Variants in TLX2 observed in about 807,000 individuals in gnomAD.
TLX2 encodes T cell leukemia homeobox 2.
A neutral mutation model predicts 21.7 loss-of-function variants in TLX2; 15 were observed. The observed-to-expected ratio is 0.69, with a 90% CI of 0.46 to 1.07. The LOEUF (loss-of-function observed/expected upper bound fraction) is 1.07. Among genes scored for constraint, TLX2 ranks in the 50% least tolerant of loss-of-function variants. The pLI is 0.00. For missense variants in TLX2, 384 were observed against 409.1 expected (o/e 0.94, Z 0.53); for synonymous variants, 213 against 193.1 (o/e 1.10, Z -0.85).
rs1056450292 is a variant in TLX2, at chr2:74,515,078, T to G, written c.272T>G (p.Val91Gly). Residue 91 changes from valine (V) to glycine (G), a missense_variant, in exon 1 of 3, where the codon GTG becomes GGG. Val to Gly is a moderately radical substitution (Grantham distance 109). Transcript: ENST00000233638. The surrounding 1 kb of genome is among the most constrained non-coding windows in gnomAD (Gnocchi z 6.6). ...IRVPAHRPLPVPPPAGGAPAV... is the reference protein window; with the variant it reads ...IRVPAHRPLPGPPPAGGAPAV... Reference sequence around the variant, plus strand: ...GTCCCTGCGCACCGCCCGCTGCCTGTGCCGCCGCCCGCTGGGGGGGCGCCT... The same window carrying G: ...GTCCCTGCGCACCGCCCGCTGCCTGGGCCGCCGCCCGCTGGGGGGGCGCCT... 3.9e-5 allele frequency: 59 copies of G among 1,525,004 alleles called. No homozygotes were observed. Among genetic ancestry groups the G allele is most frequent in the Non-Finnish European group, 5.2e-5 (59 of 1,138,490 alleles). The allele number at this position is 1,525,004 out of a possible 1,614,324, so 94.5% of individuals were successfully genotyped here. A position where few individuals can be genotyped will look rare whatever the true frequency, so the allele number is the denominator to read the frequency against.
rs1400577825 is a variant in TLX2, at chr2:74,517,127, G to C, written c.*938G>C. 6.6e-6 allele frequency: 1 copy of C among 152,290 alleles called. No homozygotes were observed. The highest frequency in any genetic ancestry group is 1.5e-5 in the Non-Finnish European group (1 of 68,074). The allele number at this position is 152,290 out of a possible 1,614,324, so 9.4% of individuals were successfully genotyped here. ...GGCAAAACTAAATGTTATACCTAGA[G>C]AGAATAAATCCTGGAGAAGTGCCTT... On this transcript the variant is annotated 3_prime_UTR_variant, in exon 3 of 3. Transcript: ENST00000233638.
At position 74,516,422 on chromosome 2, in the gene TLX2, T is replaced by C; in HGVS notation, c.*233T>C. The C allele has an allele frequency of 7.1e-7, 1 of 1,410,202 alleles. No individual in the cohort carries two copies. The highest frequency in any genetic ancestry group is 9.3e-7 in the Non-Finnish European group (1 of 1,079,644). 87.4% of individuals were successfully genotyped at this position (1,410,202 alleles called of 1,614,324 possible). A position where few individuals can be genotyped will look rare whatever the true frequency, so the allele number is the denominator to read the frequency against. ...CACTTCACTGCCGTTACGCCCTCGCTGGAACCTGAGGCGCCGAGAGGGCGG... is the reference window on the plus strand; with the variant it reads ...CACTTCACTGCCGTTACGCCCTCGCCGGAACCTGAGGCGCCGAGAGGGCGG... On this transcript the variant is annotated 3_prime_UTR_variant, in exon 3 of 3. Transcript: ENST00000233638.
Position 74,514,774 on chromosome 2 carries a change from CG to C in TLX2, c.-32del. ...TGCCTGAGGCATCCTCCCCAACCAC[CG>C]AACCTCCGGCGGTTCTCCTCGGCCC... On this transcript the variant is annotated 5_prime_UTR_variant, in exon 1 of 3. Coordinates refer to ENST00000233638, the MANE Select transcript of TLX2 (RefSeq NM_016170.5). This position sits in a 1 kb window ranked among gnomAD's most constrained non-coding sequence, Gnocchi z 5.0. The C allele has an allele frequency of 2.5e-6, 4 of 1,611,332 alleles. No individual in the cohort carries two copies. The highest frequency in any genetic ancestry group is 3.4e-6 in the Non-Finnish European group (4 of 1,179,228).
chr2:74,514,584 G>A lies in TLX2; in HGVS notation c.-223G>A. On this transcript the variant is annotated 5_prime_UTR_variant, in exon 1 of 3. Transcript: ENST00000233638. The surrounding 1 kb of genome is among the most constrained non-coding windows in gnomAD (Gnocchi z 5.0). ...GGCCCCAGCTGGCCGTGCTCCCCCG[G>A]GATGCAAGTCCCTGCGCTGACGCCC... The A allele has an allele frequency of 7.1e-7, 1 of 1,408,568 alleles. No homozygotes were observed. 87.3% of individuals were successfully genotyped at this position (1,408,568 alleles called of 1,614,324 possible). A position where few individuals can be genotyped will look rare whatever the true frequency, so the allele number is the denominator to read the frequency against.
rs1674829966 is a variant in TLX2 at position 74,514,534 on chromosome 2, T to A, written c.-273T>A. The A allele has an allele frequency of 7.4e-7, 1 of 1,345,942 alleles. No homozygotes were observed. Among genetic ancestry groups the A allele is most frequent in the African/African-American group, 1.5e-5 (1 of 65,004 alleles). The allele number at this position is 1,345,942 out of a possible 1,614,324, so 83.4% of individuals were successfully genotyped here. ...CGGCAGCCCAGCGTCTATTTGCGCTTAAGAGCCAGCAAGGAAGCTCCAGGG... is the reference window on the plus strand; with the variant it reads ...CGGCAGCCCAGCGTCTATTTGCGCTAAAGAGCCAGCAAGGAAGCTCCAGGG... On this transcript the variant is annotated 5_prime_UTR_variant, in exon 1 of 3. Coordinates refer to ENST00000233638, the MANE Select transcript of TLX2 (RefSeq NM_016170.5). The surrounding 1 kb of genome is among the most constrained non-coding windows in gnomAD (Gnocchi z 5.0).
Position 74,515,554 on chromosome 2 carries a change from C to T in TLX2, c.401-79C>T. The T allele has an allele frequency of 7.0e-7, 1 of 1,422,190 alleles. No homozygotes were observed. The highest frequency in any genetic ancestry group is 1.3e-5 in the South Asian group (1 of 77,620). The allele number at this position is 1,422,190 out of a possible 1,614,324, so 88.1% of individuals were successfully genotyped here. A position where few individuals can be genotyped will look rare whatever the true frequency, so the allele number is the denominator to read the frequency against. On this transcript the variant is annotated intron_variant, in intron 1 of 2. Transcript: ENST00000233638. This position sits in a 1 kb window ranked among gnomAD's most constrained non-coding sequence, Gnocchi z 6.6. ...GGACAGGGCGCGGGAGTTCTGCGGCCTGGACAGCCGCGCGGCCTTCTCAGT... is the reference window on the plus strand; with the variant it reads ...GGACAGGGCGCGGGAGTTCTGCGGCTTGGACAGCCGCGCGGCCTTCTCAGT...
In TLX2 at chr2:74,515,509, G is replaced by C; in HGVS notation, c.401-124G>C. 8.8e-7 allele frequency: 1 copy of C among 1,140,208 alleles called. No individual in the cohort carries two copies. Among genetic ancestry groups the C allele is most frequent in the Non-Finnish European group, 1.3e-6 (1 of 798,308 alleles). 70.6% of individuals were successfully genotyped at this position (1,140,208 alleles called of 1,614,324 possible). ...CCTTTCTTGGCTATAGGGCTCGGCT[G>C]ATGCTTAGGGCCCGGGTAAGGACAG... On this transcript the variant is annotated intron_variant, in intron 1 of 2. Transcript: ENST00000233638. This position sits in a 1 kb window ranked among gnomAD's most constrained non-coding sequence, Gnocchi z 6.6.
In TLX2 at chr2:74,514,717, T is replaced by G. The variant is rs1572980639; in HGVS notation, c.-90T>G. ...GCCCCGCGGGCCCCTGAGGCCACTC[T>G]CCGGAGCGCGCCGCCGCTGGGCTTC... On this transcript the variant is annotated 5_prime_UTR_variant, in exon 1 of 3. Transcript: ENST00000233638. The surrounding 1 kb of genome is among the most constrained non-coding windows in gnomAD (Gnocchi z 5.0). 6.3e-7 allele frequency: 1 copy of G among 1,576,180 alleles called. No homozygotes were observed. Among genetic ancestry groups the G allele is most frequent in the East Asian group, 2.4e-5 (1 of 42,158 alleles).
At position 74,516,324 on chromosome 2, in the gene TLX2, C is replaced by T. The variant is rs1277890642; in HGVS notation, c.*135C>T. ...GAGGCTGTCGTCGAGGGCTCCTCCA[C>T]CACCGGCCGGCTCCCAAGCCAGCGT... On this transcript the variant is annotated 3_prime_UTR_variant, in exon 3 of 3. Coordinates refer to ENST00000233638, the MANE Select transcript of TLX2 (RefSeq NM_016170.5). 14 of 1,524,678 alleles carry T rather than the reference C, an allele frequency of 9.2e-6. No homozygotes were observed. In the East Asian group the frequency reaches 3.5e-4, roughly 38 times the overall value. 94.4% of individuals were successfully genotyped at this position (1,524,678 alleles called of 1,614,324 possible). A position where few individuals can be genotyped will look rare whatever the true frequency, so the allele number is the denominator to read the frequency against.
Position 74,516,414 on chromosome 2 carries a change from G to A in TLX2, c.*225G>A. 2 of 1,425,428 alleles carry A rather than the reference G, an allele frequency of 1.4e-6. No individual in the cohort carries two copies. Among genetic ancestry groups the A allele is most frequent in the South Asian group, 1.4e-5 (1 of 70,256 alleles). 88.3% of individuals were successfully genotyped at this position (1,425,428 alleles called of 1,614,324 possible). On this transcript the variant is annotated 3_prime_UTR_variant, in exon 3 of 3. Coordinates refer to ENST00000233638, the MANE Select transcript of TLX2 (RefSeq NM_016170.5). ...CCATTTTTCACTTCACTGCCGTTACGCCCTCGCTGGAACCTGAGGCGCCGA... is the reference window on the plus strand; with the variant it reads ...CCATTTTTCACTTCACTGCCGTTACACCCTCGCTGGAACCTGAGGCGCCGA...
At position 74,515,853 on chromosome 2, in the gene TLX2, C is replaced by T. The variant is rs775998176; in HGVS notation, c.621C>T (p.Asn207=). The change falls in exon 2 of 3, where the codon AAC becomes AAT. Residue 207 remains asparagine, a synonymous_variant. Transcript: ENST00000233638. This position sits in a 1 kb window ranked among gnomAD's most constrained non-coding sequence, Gnocchi z 6.6. ...CACAGGTCAAAACGTGGTTCCAGAA[C>T]CGACGCACCAAGTGGCGGTGAGGCG... The part of the protein sequence containing the change: ...TDAQVKTWFQ[N]RRTKWRRQTA... 9 of 1,607,414 alleles carry T rather than the reference C, an allele frequency of 5.6e-6. No homozygotes were observed. The East Asian group carries it at 1.8e-4, about 32-fold the overall frequency.
In TLX2 at chr2:74,515,176, G is replaced by A; in HGVS notation, c.370G>A (p.Gly124Ser). 1 of 1,541,156 alleles carries A rather than the reference G, an allele frequency of 6.5e-7. No homozygotes were observed. The highest frequency in any genetic ancestry group is 8.7e-7 in the Non-Finnish European group (1 of 1,147,460). ...AGLTFPWMDS[G>S]RRFAKDRLTA... ...ACTCACCTTCCCCTGGATGGACAGCGGCCGCCGCTTTGCCAAGGACCGGCT... is the reference window on the plus strand; with the variant it reads ...ACTCACCTTCCCCTGGATGGACAGCAGCCGCCGCTTTGCCAAGGACCGGCT... Residue 124 changes from glycine to serine, a missense_variant, in exon 1 of 3, where the codon GGC becomes AGC. By Grantham distance (56) the Gly-to-Ser change is moderately conservative. Coordinates refer to ENST00000233638, the MANE Select transcript of TLX2 (RefSeq NM_016170.5). This position sits in a 1 kb window ranked among gnomAD's most constrained non-coding sequence, Gnocchi z 6.6.
Position 74,516,506 on chromosome 2 carries a change from C to G in TLX2, c.*317C>G. 1 of 1,241,382 alleles carries G rather than the reference C, an allele frequency of 8.1e-7. No homozygotes were observed. Among genetic ancestry groups the G allele is most frequent in the Non-Finnish European group, 1.0e-6 (1 of 981,498 alleles). The allele number at this position is 1,241,382 out of a possible 1,614,324, so 76.9% of individuals were successfully genotyped here. On this transcript the variant is annotated 3_prime_UTR_variant, in exon 3 of 3. Coordinates refer to ENST00000233638, the MANE Select transcript of TLX2 (RefSeq NM_016170.5). The stretch of plus-strand genomic sequence containing the variant: ...AGGGGGCCGGGCTGGCCAATGGGAG[C>G]TGCTTTCCTGAGGGACTCGAAATTC...
In TLX2 at chr2:74,516,402, C is replaced by G; in HGVS notation, c.*213C>G. 6.9e-7 allele frequency: 1 copy of G among 1,456,852 alleles called. No individual in the cohort carries two copies. The highest frequency in any genetic ancestry group is 1.4e-5 in the African/African-American group (1 of 69,300). The allele number at this position is 1,456,852 out of a possible 1,614,324, so 90.2% of individuals were successfully genotyped here. On this transcript the variant is annotated 3_prime_UTR_variant, in exon 3 of 3. Coordinates refer to ENST00000233638, the MANE Select transcript of TLX2 (RefSeq NM_016170.5). The stretch of plus-strand genomic sequence containing the variant: ...CGGCCTTTCCCGCCATTTTTCACTT[C>G]ACTGCCGTTACGCCCTCGCTGGAAC...
Position 74,515,246 on chromosome 2 carries a change from G to T in TLX2, c.400+40G>T. On this transcript the variant is annotated intron_variant, in intron 1 of 2. Coordinates refer to ENST00000233638, the MANE Select transcript of TLX2 (RefSeq NM_016170.5). This position sits in a 1 kb window ranked among gnomAD's most constrained non-coding sequence, Gnocchi z 6.6. ...CCCCTCCAGCGTCACGCCCGACTCT[G>T]ACCCCGTCTCCTCATTTCTTAGCTT... The T allele has an allele frequency of 6.5e-7, 1 of 1,536,024 alleles. No individual in the cohort carries two copies. Among genetic ancestry groups the T allele is most frequent in the South Asian group, 1.2e-5 (1 of 84,042 alleles).
chr2:74,515,009 C>G lies in TLX2; in HGVS notation c.203C>G (p.Pro68Arg), dbSNP rs761359794. 7.2e-6 allele frequency: 11 copies of G among 1,530,610 alleles called. No homozygotes were observed. The highest frequency in any genetic ancestry group is 7.9e-6 in the Non-Finnish European group (9 of 1,139,780). The allele number at this position is 1,530,610 out of a possible 1,614,324, so 94.8% of individuals were successfully genotyped here. A position where few individuals can be genotyped will look rare whatever the true frequency, so the allele number is the denominator to read the frequency against. ...TACGGTCCCGCCGGCTCACTTGCCC[C>G]GCTGCCCGGCAGCTCCGGAGTGGGC... ...SGYGPAGSLA[P>R]LPGSSGVGPG... Residue 68 changes from proline (P) to arginine (R), a missense_variant, in exon 1 of 3, where the codon CCG becomes CGG. By Grantham distance (103) the Pro-to-Arg change is moderately radical. Coordinates refer to ENST00000233638, the MANE Select transcript of TLX2 (RefSeq NM_016170.5). The surrounding 1 kb of genome is among the most constrained non-coding windows in gnomAD (Gnocchi z 6.6).
Position 74,516,487 on chromosome 2 carries a change from C to T in TLX2, c.*298C>T, listed in dbSNP as rs1023958392. 4 of 1,278,884 alleles carry T rather than the reference C, an allele frequency of 3.1e-6. No homozygotes were observed. The highest frequency in any genetic ancestry group is 3.0e-6 in the Non-Finnish European group (3 of 1,004,592). The allele number at this position is 1,278,884 out of a possible 1,614,324, so 79.2% of individuals were successfully genotyped here. A position where few individuals can be genotyped will look rare whatever the true frequency, so the allele number is the denominator to read the frequency against. ...TAGCCAATGAGGTGCGGGGAGGGGG[C>T]CGGGCTGGCCAATGGGAGCTGCTTT... On this transcript the variant is annotated 3_prime_UTR_variant, in exon 3 of 3. Coordinates refer to ENST00000233638, the MANE Select transcript of TLX2 (RefSeq NM_016170.5).
rs1343972829 is a variant in TLX2 at position 74,516,235 on chromosome 2, G to A, written c.*46G>A. 3 of 1,580,478 alleles carry A rather than the reference G, an allele frequency of 1.9e-6. No homozygotes were observed. The highest frequency in any genetic ancestry group is 1.8e-5 in the Admixed American group (1 of 56,068). ...GTGGAGCGCCGGGCCCGGAGCGGTG[G>A]AGCGCGCGGCTGCCTGCGTCCATGG... On this transcript the variant is annotated 3_prime_UTR_variant, in exon 3 of 3. Coordinates refer to ENST00000233638, the MANE Select transcript of TLX2 (RefSeq NM_016170.5).
chr2:74,516,307 C>G lies in TLX2; in HGVS notation c.*118C>G. Reference sequence around the variant, plus strand: ...GAGGAGCGGCAGGCCTTGAGGCTGTCGTCGAGGGCTCCTCCACCACCGGCC... The same window carrying G: ...GAGGAGCGGCAGGCCTTGAGGCTGTGGTCGAGGGCTCCTCCACCACCGGCC... On this transcript the variant is annotated 3_prime_UTR_variant, in exon 3 of 3. Transcript: ENST00000233638. 1 of 1,524,040 alleles carries G rather than the reference C, an allele frequency of 6.6e-7. No homozygotes were observed. The highest frequency in any genetic ancestry group is 8.8e-7 in the Non-Finnish European group (1 of 1,141,200). The allele number at this position is 1,524,040 out of a possible 1,614,324, so 94.4% of individuals were successfully genotyped here. A position where few individuals can be genotyped will look rare whatever the true frequency, so the allele number is the denominator to read the frequency against.
Sources: gnomAD v4.1 joint callset for allele counts on GRCh38, gnomAD v4.1.1 for gene constraint, Gnocchi (gnomAD v3.1) non-coding constraint, MANE v1.5 for transcripts, NCBI Gene and HGNC (gene_info 2026-07-23, HGNC 2026-07-21) for gene names.